The following NRDC variants were observed in gnomAD, a reference collection of about 807,000 sequenced individuals.
NRDC encodes the protein nardilysin.
A neutral mutation model predicts 147.1 loss-of-function variants in NRDC; 54 were observed. The observed-to-expected ratio is 0.37, with a 90% CI of 0.29 to 0.46. The LOEUF (loss-of-function observed/expected upper bound fraction) is 0.46, where lower values mean the gene tolerates loss of function less well. NRDC is among the 20% of genes least tolerant of loss of function. The probability of loss-of-function intolerance (pLI) is 1.00; values close to 1 mark genes in which losing one functional copy is unlikely to be tolerated. For synonymous variants in NRDC, 440 were observed against 482.1 expected (o/e 0.91, Z 1.14); for missense variants, 1,082 against 1,370.6 (o/e 0.79, Z 3.33).
At chr1:51,856,231 T>G (rs1225425869) in intron 1 of NRDC, among the ~76,000 whole-genome samples, 1 of 152,212 alleles carries the variant, frequency 6.6e-6, no homozygotes, top group Non-Finnish European at 1.5e-5. Flanking sequence ...TCTCTCATAC[T>G]ACTACAATGG....
At chr1:51,845,606 G>T (rs1681519309) in intron 1 of NRDC, among the ~76,000 whole-genome samples, 2 of 151,786 alleles carry the variant, frequency 1.3e-5, no homozygotes, top group African/African-American at 4.8e-5. Context: ...AAAAAGAAAA[G>T]AAAAGAAAAG....
Position 51,798,318 on chromosome 1 carries a change from C to T in NRDC, c.2535G>A (p.Leu845=), listed in dbSNP as rs1679028047. Reference sequence around the variant, plus strand: ...GGGATTTGAATTCTTTGACGAAGCTCAGCAGAGACTCAAGGGAAAGGCCGT... The same window carrying T: ...GGGATTTGAATTCTTTGACGAAGCTTAGCAGAGACTCAAGGGAAAGGCCGT... The part of the protein sequence containing the change: ...LMDGLSLESL[L]SFVKEFKSQL... The change falls in exon 22 of 31, where the codon CTG becomes CTA. Residue 845 remains leucine, a synonymous_variant. Coordinates refer to ENST00000352171, the MANE Select transcript of NRDC (RefSeq NM_001101662.2). The T allele has an allele frequency of 1.2e-6, 2 of 1,614,136 alleles. No individual in the cohort carries two copies. The highest frequency in any genetic ancestry group is 2.7e-5 in the African/African-American group (2 of 75,014).
chr1:51,791,847 T>C (rs189431346), intron 26 of NRDC, among the ~76,000 whole-genome samples, 186 bp from the exon 27 acceptor site: 97 of 152,320 alleles, frequency 6.4e-4, no homozygotes, highest in African/African-American at 2.0e-3. Context: ...CTAGCCTTTT[T>C]TCTTATCTTG....
At chr1:51,877,604 A>T (rs1181807010) in intron 1 of NRDC, among the ~76,000 whole-genome samples, 1 of 152,194 alleles carries the variant, frequency 6.6e-6, no homozygotes, top group East Asian at 1.9e-4. Context: ...CTGAATCACC[A>T]ATTATTAGAA....
At chr1:51,839,469 A>G (rs1236152832) in intron 2 of NRDC, among the ~76,000 whole-genome samples, 1 of 152,192 alleles carries the variant, frequency 6.6e-6, no homozygotes, top group African/African-American at 2.4e-5. Flanking sequence ...AATATTCAAG[A>G]AACTAGCTTT....
chr1:51,798,252 G>T lies in NRDC; in HGVS notation c.2601C>A (p.Ser867Arg). The change falls in exon 22 of 31, where the codon AGC (serine) becomes AGA (arginine). Residue 867 changes from serine (S) to arginine (R), a missense_variant. Physicochemically the swap from Ser to Arg is moderately radical, Grantham distance 110 (BLOSUM62 -1). Coordinates refer to ENST00000352171, the MANE Select transcript of NRDC (RefSeq NM_001101662.2). ...VEGLVQGNVT[S>R]TESMDFLKYV... ...CTACAGAGCATCTCACACTCACTGT[G>T]CTTGTGACATTCCCTTGTACCAGGC... 6.2e-7 allele frequency: 1 copy of T among 1,614,092 alleles called. No homozygotes were observed. The highest frequency in any genetic ancestry group is 8.5e-7 in the Non-Finnish European group (1 of 1,179,982).
intron 1 of NRDC, among the ~76,000 whole-genome samples, chr1:51,845,175 T>C (rs1188645495): frequency 6.6e-6 from 1 of 152,338 alleles, no homozygotes; most frequent in East Asian, 1.9e-4. Flanking sequence ...TGTTGTTTCC[T>C]AAACACTGCC....
chr1:51,797,110 G>A (rs939453427), intron 22 of NRDC, among the ~76,000 whole-genome samples: 3 of 151,974 alleles, frequency 2.0e-5, no homozygotes, highest in African/African-American at 7.2e-5. Context: ...TGAGGCAGGA[G>A]AATGGCGTGA....
chr1:51,812,101 G>A lies in NRDC; in HGVS notation c.1675-3C>T. On this transcript the variant is annotated splice_polypyrimidine_tract_variant and splice_region_variant and intron_variant, in intron 14 of 30. Transcript: ENST00000352171. ...TCCACATACTCAACTGGATCTGTCT[G>A]TAAAGAGGTAAATTATTTCACACCA... 1 of 1,598,240 alleles carries A rather than the reference G, an allele frequency of 6.3e-7. No homozygotes were observed. Among genetic ancestry groups the A allele is most frequent in the Non-Finnish European group, 8.6e-7 (1 of 1,165,814 alleles).
chr1:51,860,575 T>G (rs1682481846), intron 1 of NRDC, among the ~76,000 whole-genome samples: 1 of 152,232 alleles, frequency 6.6e-6, no homozygotes, highest in Admixed American at 6.5e-5. Context: ...CGGGAGAGTT[T>G]ACTTCTATCT....
chr1:51,857,801 T>C (rs1170283725), intron 1 of NRDC, among the ~76,000 whole-genome samples: 1 of 152,184 alleles, frequency 6.6e-6, no homozygotes, highest in African/African-American at 2.4e-5. Flanking sequence ...GGGTGCAGAC[T>C]TCAGAAATTT....
In NRDC at chr1:51,789,662, C is replaced by A; in HGVS notation, c.3169-5G>T. The A allele has an allele frequency of 1.2e-6, 2 of 1,601,630 alleles. No individual in the cohort carries two copies. Among genetic ancestry groups the A allele is most frequent in the East Asian group, 2.2e-5 (1 of 44,794 alleles). On this transcript the variant is annotated splice_polypyrimidine_tract_variant and splice_region_variant and intron_variant, in intron 29 of 30. Transcript: ENST00000352171. ...GAATGACTTCAGTGCTTCAATCTTA[C>A]AAGGGAAGGGAAGATAGGAAAGAAA...
intron 2 of NRDC, among the ~76,000 whole-genome samples, chr1:51,837,285 C>T (rs1420837174): frequency 6.6e-6 from 1 of 152,088 alleles, no homozygotes; most frequent in Non-Finnish European, 1.5e-5. Flanking sequence ...AAGAGCTTTT[C>T]AAAAATAGCA....
Position 51,840,493 on chromosome 1 carries a change from G to A in NRDC, c.363C>T (p.Gly121=), listed in dbSNP as rs558915730. The change falls in exon 2 of 31, where the codon GGC becomes GGT. Residue 121 remains glycine, a synonymous_variant. Transcript: ENST00000352171. ...GGTCTGAAATCAGAAGTGCCTGCAA[G>A]CCATTCTGTAATTTGATGTATCTGG... ...KQYRYIKLQN[G]LQALLISDLS... is the part of the protein sequence containing the mutation. 6.2e-7 allele frequency: 1 copy of A among 1,605,134 alleles called. No individual in the cohort carries two copies. The highest frequency in any genetic ancestry group is 1.1e-5 in the South Asian group (1 of 89,642).
rs1678800494 is a variant in NRDC at position 51,794,580 on chromosome 1, C to T, written c.2667G>A (p.Glu889=). Reference sequence around the variant, plus strand: ...CTACCACCTGGAACTGCACAGGCATCTCCTGCTCCAGAGGCTTGAAGTTTA... The same window carrying T: ...CTACCACCTGGAACTGCACAGGCATTTCCTGCTCCAGAGGCTTGAAGTTTA... ...DKLNFKPLEQ[E]MPVQFQVVEL... is the part of the protein sequence containing the mutation. The change falls in exon 24 of 31, where the codon GAG becomes GAA. Residue 889 remains glutamate, a synonymous_variant. Coordinates refer to ENST00000352171, the MANE Select transcript of NRDC (RefSeq NM_001101662.2). 6.2e-7 allele frequency: 1 copy of T among 1,614,086 alleles called. No individual in the cohort carries two copies. Among genetic ancestry groups the T allele is most frequent in the Non-Finnish European group, 8.5e-7 (1 of 1,180,034 alleles).
chr1:51,827,693 A>AAT, intron 5 of NRDC, 103 bp downstream of exon 5: 1 of 844,374 alleles, frequency 1.2e-6, no homozygotes, highest in Non-Finnish European at 1.9e-6. Context: ...AGTCCTTTAA[A>AAT]ATATAAAGAT....
At chr1:51,813,479 T>C in intron 14 of NRDC, among the ~76,000 whole-genome samples, 1 of 152,212 alleles carries the variant, frequency 6.6e-6, no homozygotes, top group East Asian at 1.9e-4. Context: ...ACATATCCCA[T>C]ACGCTTCCCA....
chr1:51,876,950 G>A (rs760707381), intron 1 of NRDC, among the ~76,000 whole-genome samples: 10 of 152,230 alleles, frequency 6.6e-5, no homozygotes, highest in Non-Finnish European at 1.5e-4. Flanking sequence ...AGCACTTTGG[G>A]AGAAGAGGCG....
chr1:51,805,615 A>G (rs1679428483), intron 18 of NRDC, 54 bp from the exon 19 acceptor site: 4 of 1,098,796 alleles, frequency 3.6e-6, no homozygotes, highest in African/African-American at 1.6e-5. Context: ...GATATTTTAT[A>G]CATCTGTTAT....
Sources: gnomAD v4.1 joint callset for allele counts (sites outside exome capture counted in the v4.1 genomes callset) on GRCh38, gnomAD v4.1.1 for gene constraint, MANE v1.5 for transcripts, NCBI Gene and HGNC (gene_info 2026-07-23, HGNC 2026-07-21) for gene names.